Variants in MCCC1 observed in about 807,000 individuals in gnomAD.
MCCC1 encodes methylcrotonyl-CoA carboxylase subunit 1, also known as methylcrotonoyl-CoA carboxylase subunit alpha, mitochondrial.
In MCCC1, 64 loss-of-function variants were observed where a neutral mutation model predicts 83.8. The ratio of observed to expected loss-of-function variants is 0.76; its 90% confidence interval spans 0.62 to 0.94. MCCC1 has a LOEUF of 0.94. Among genes scored for constraint, MCCC1 ranks in the 40% least tolerant of loss-of-function variants. The pLI is 0.00. For missense variants in MCCC1, 807 were observed against 904.7 expected (o/e 0.89, Z 1.39); for synonymous variants, 322 against 315.4 (o/e 1.02, Z -0.22).
chr3:183,062,355 T>C (rs918718737), intron 7 of MCCC1, among the ~76,000 whole-genome samples: 14 of 125,606 alleles, frequency 1.1e-4, no homozygotes, highest in Non-Finnish European at 1.9e-4. Flanking sequence ...TTTCAGTTTT[T>C]TTTTTTTTTT....
At chr3:183,081,569 T>C (rs940688357) in intron 4 of MCCC1, among the ~76,000 whole-genome samples, 2 of 152,202 alleles carry the variant, frequency 1.3e-5, no homozygotes, top group South Asian at 2.1e-4. Flanking sequence ...AGTCATGGTC[T>C]TTAAATTCTT....
Position 183,045,511 on chromosome 3 carries a change from G to T in MCCC1, c.985C>A (p.His329Asn), listed in dbSNP as rs764378506. The change falls in exon 10 of 19, where the codon CAT becomes AAT. Residue 329 changes from histidine (H) to asparagine (N), a missense_variant. By Grantham distance (68) the His-to-Asn change is moderately conservative. Transcript: ENST00000265594. The stretch of plus-strand genomic sequence containing the variant: ...TTCATCTCCATGAAACAGAAATTAT[G>T]TTTTGAGTCCATAATAAACTCCACA... ...GTVEFIMDSK[H>N]NFCFMEMNTR... is the part of the protein sequence containing the mutation. The T allele has an allele frequency of 1.2e-5, 20 of 1,614,036 alleles. No individual in the cohort carries two copies. Among genetic ancestry groups the T allele is most frequent in the Non-Finnish European group, 1.6e-5 (19 of 1,179,936 alleles).
intron 8 of MCCC1, among the ~76,000 whole-genome samples, chr3:183,056,789 GT>G (rs894540066): frequency 6.6e-6 from 1 of 152,122 alleles, no homozygotes; most frequent in African/African-American, 2.4e-5. Context: ...CGCCTCCCAG[GT>G]TCAAGCAATT....
At chr3:183,113,222 C>CA (rs35441023) in intron 1 of MCCC1, among the ~76,000 whole-genome samples, 17,104 of 104,968 alleles carry the variant, frequency 0.16, 1,207 homozygotes, top group Middle Eastern at 0.26. Flanking sequence ...GACTCCATCT[C>CA]AAAAAAAAAA....
At chr3:183,071,378 C>T (rs764775475) in intron 5 of MCCC1, 21 bp from the exon 6 acceptor site, 5 of 1,614,128 alleles carry the variant, frequency 3.1e-6, no homozygotes, top group Non-Finnish European at 4.2e-6. Flanking sequence ...GGAAAGAAAA[C>T]AACATGCCCC....
chr3:183,019,652 C>T (rs1225171910), intron 17 of MCCC1, among the ~76,000 whole-genome samples: 5 of 152,190 alleles, frequency 3.3e-5, no homozygotes, highest in Admixed American at 2.0e-4. Context: ...CCTGAACTGA[C>T]TCAGACAGTA....
At chr3:183,070,688 G>A (rs544213114) in intron 7 of MCCC1, among the ~76,000 whole-genome samples, 5 of 151,762 alleles carry the variant, frequency 3.3e-5, no homozygotes, top group East Asian at 3.9e-4. Context: ...AGCCGAGATC[G>A]TGCCACTGCA....
intron 1 of MCCC1, among the ~76,000 whole-genome samples, chr3:183,098,079 C>T (rs1718872653): frequency 1.3e-5 from 2 of 152,192 alleles, no homozygotes. Context: ...AGGCGCGTGT[C>T]ACCACGCCCG....
At chr3:183,069,144 TACAAGGAA>T (rs963291897) in intron 7 of MCCC1, among the ~76,000 whole-genome samples, 33 of 152,306 alleles carry the variant, frequency 2.2e-4, no homozygotes, top group African/African-American at 7.7e-4. Context: ...TGATGCCTAT[TACAAGGAA>T]AGTAGTATGC....
At chr3:183,044,403 T>G (rs1008842252) in intron 10 of MCCC1, among the ~76,000 whole-genome samples, 5 of 152,238 alleles carry the variant, frequency 3.3e-5, no homozygotes, top group Admixed American at 3.3e-4. Flanking sequence ...TAAACTTACA[T>G]GTTTGAAAAA....
intron 7 of MCCC1, among the ~76,000 whole-genome samples, chr3:183,063,809 A>T (rs1366284200): frequency 6.6e-6 from 1 of 152,150 alleles, no homozygotes; most frequent in East Asian, 1.9e-4. Flanking sequence ...CTTTCTGATG[A>T]ACTACGGAAG....
At chr3:183,050,075 A>G (rs1560233615) in intron 9 of MCCC1, among the ~76,000 whole-genome samples, 1 of 152,080 alleles carries the variant, frequency 6.6e-6, no homozygotes, top group East Asian at 1.9e-4. Context: ...AGCATAGGCC[A>G]GGTATGGTGG....
At chr3:183,062,655 T>G (rs1577315283) in intron 7 of MCCC1, among the ~76,000 whole-genome samples, 2 of 151,804 alleles carry the variant, frequency 1.3e-5, no homozygotes, top group East Asian at 3.9e-4. Flanking sequence ...GTGCCCAGCC[T>G]TGTCTGAGGT....
intron 14 of MCCC1, among the ~76,000 whole-genome samples, chr3:183,027,687 C>G (rs551486828): frequency 6.6e-6 from 1 of 152,144 alleles, no homozygotes; most frequent in Non-Finnish European, 1.5e-5. Flanking sequence ...TGTGAAACAG[C>G]CTTGTTGCTG....
intron 4 of MCCC1, among the ~76,000 whole-genome samples, chr3:183,082,505 A>G (rs1259556134): frequency 6.6e-6 from 1 of 152,218 alleles, no homozygotes. Context: ...GCCAGTGCTC[A>G]ACTCAAGAAT....
At chr3:183,024,255 CA>C (rs1304590625) in intron 15 of MCCC1, among the ~76,000 whole-genome samples, 2 of 148,368 alleles carry the variant, frequency 1.3e-5, no homozygotes, top group African/African-American at 2.5e-5. Flanking sequence ...CTTCTCAAAA[CA>C]AAAAAAAAGA....
chr3:183,110,009 T>C (rs573384035), intron 1 of MCCC1, among the ~76,000 whole-genome samples: 5 of 152,330 alleles, frequency 3.3e-5, no homozygotes, highest in South Asian at 2.1e-4. Context: ...ATTAGTGATA[T>C]TGAGAATTTT....
At chr3:183,108,736 G>A (rs2108585581) in intron 1 of MCCC1, among the ~76,000 whole-genome samples, 1 of 152,262 alleles carries the variant, frequency 6.6e-6, no homozygotes, top group East Asian at 1.9e-4. Context: ...GATCAGGCAT[G>A]ATTATTTCCA....
intron 13 of MCCC1, 135 bp from the exon 14 acceptor site, chr3:183,034,212 A>G: frequency 1.5e-6 from 1 of 649,416 alleles, no homozygotes. Context: ...GCACTTTGGG[A>G]GGCCAAGGCG....
Sources: gnomAD v4.1 joint callset for allele counts (sites outside exome capture counted in the v4.1 genomes callset) on GRCh38, gnomAD v4.1.1 for gene constraint, MANE v1.5 for transcripts, NCBI Gene and HGNC (gene_info 2026-07-23, HGNC 2026-07-21) for gene names.